FOXP1: variants seen among roughly 807,000 people sequenced by gnomAD.
FOXP1 encodes forkhead box protein P1.
In FOXP1, 15 loss-of-function variants were observed where a neutral mutation model predicts 98.2. That is an observed-to-expected ratio of 0.15 (90% CI 0.10 to 0.24). FOXP1 has a LOEUF of 0.24. Ranked by LOEUF, FOXP1 falls within the 10% of genes least tolerant of loss-of-function variation. FOXP1 has a pLI of 1.00. For missense variants in FOXP1, 633 were observed against 848.5 expected, an observed-to-expected ratio of 0.75 and a Z score of 3.15; for synonymous variants, 371 against 314.5, an observed-to-expected ratio of 1.18 and a Z score of -1.90.
chr3:71,132,917 G>A (rs1003280702), intron 6 of FOXP1, among the ~76,000 whole-genome samples: 8 of 151,360 alleles, frequency 5.3e-5, no homozygotes, highest in Admixed American at 3.9e-4. Context: ...TGCTAAAGTC[G>A]ATGATTTTCC....
At chr3:71,533,007 A>G (rs1282424222) in intron 2 of FOXP1, among the ~76,000 whole-genome samples, 2 of 152,270 alleles carry the variant, frequency 1.3e-5, no homozygotes, top group Non-Finnish European at 2.9e-5. Flanking sequence ...TTGCTCCTGC[A>G]ATCAGAAAGA....
intron 2 of FOXP1, among the ~76,000 whole-genome samples, chr3:71,518,188 T>G (rs541144536): frequency 3.0e-4 from 45 of 152,272 alleles, no homozygotes; most frequent in East Asian, 1.7e-3. Flanking sequence ...CTCTAAGAAC[T>G]CTAAGAAACT....
chr3:71,057,435 G>T (rs1576482794), intron 7 of FOXP1, among the ~76,000 whole-genome samples: 1 of 126,274 alleles, frequency 7.9e-6, no homozygotes, highest in African/African-American at 3.0e-5. Context: ...GCTAATTCTT[G>T]ATTTCTTTCT....
intron 6 of FOXP1, among the ~76,000 whole-genome samples, chr3:71,176,783 C>T (rs1279829583): frequency 7.4e-6 from 1 of 135,598 alleles, no homozygotes; most frequent in Non-Finnish European, 1.5e-5. Context: ...AGCCGGGGGG[C>T]GGGTGCGGTG....
intron 10 of FOXP1, among the ~76,000 whole-genome samples, chr3:71,042,522 C>T (rs982056426): frequency 6.6e-6 from 1 of 152,110 alleles, no homozygotes; most frequent in African/African-American, 2.4e-5. Context: ...ACAACAACAA[C>T]GACAACAAGC....
chr3:71,091,756 C>T (rs1385704269), intron 7 of FOXP1, among the ~76,000 whole-genome samples: 1 of 152,058 alleles, frequency 6.6e-6, no homozygotes, highest in African/African-American at 2.4e-5. Context: ...ATATAATTCT[C>T]AATTATAGAA....
chr3:71,565,732 A>T lies in FOXP1; in HGVS notation c.-298+15817T>A, dbSNP rs560013718. 2.8e-4 allele frequency among the ~76,000 whole-genome samples: 42 copies of T among 152,330 alleles called. 1 individual carries two copies. Among genetic ancestry groups the T allele is most frequent in the African/African-American group, 1.0e-3 (42 of 41,576 alleles). On this transcript the variant is annotated intron_variant, in intron 2 of 20. Coordinates refer to ENST00000649528, the MANE Select transcript of FOXP1 (RefSeq NM_001349338.3). ...TTTAGTAAATAAAAGGTTGAAGCAG[A>T]TGAATCTCATAAGCTTGTTGACAAA...
chr3:71,569,710 T>C (rs1258402547), intron 2 of FOXP1, among the ~76,000 whole-genome samples: 2 of 152,020 alleles, frequency 1.3e-5, no homozygotes, highest in Non-Finnish European at 2.9e-5. Flanking sequence ...CATTCACAAG[T>C]GTATGTAAAT....
chr3:71,229,003 T>A (rs1490223451), intron 5 of FOXP1, among the ~76,000 whole-genome samples: 1 of 151,710 alleles, frequency 6.6e-6, no homozygotes, highest in Non-Finnish European at 1.5e-5. Flanking sequence ...TTTTAAAGGT[T>A]ATTGGTTTAA....
chr3:71,382,161 G>C (rs892177421), intron 3 of FOXP1, among the ~76,000 whole-genome samples: 1 of 152,210 alleles, frequency 6.6e-6, no homozygotes, highest in South Asian at 2.1e-4. Flanking sequence ...TATAGTCCCA[G>C]CTACTTGGGA....
intron 7 of FOXP1, among the ~76,000 whole-genome samples, chr3:71,108,719 C>T (rs529141025): frequency 1.4e-4 from 21 of 152,076 alleles, no homozygotes; most frequent in Non-Finnish European, 2.5e-4. Context: ...GAGCCGAGAT[C>T]GCTCCACTGC....
chr3:71,467,720 G>C (rs1175409085), intron 3 of FOXP1, among the ~76,000 whole-genome samples: 1 of 152,190 alleles, frequency 6.6e-6, no homozygotes, highest in Non-Finnish European at 1.5e-5. Context: ...AATCTTCTAA[G>C]TAAATGAGGG....
At chr3:71,348,526 T>C (rs1392779720) in intron 4 of FOXP1, among the ~76,000 whole-genome samples, 2 of 125,922 alleles carry the variant, frequency 1.6e-5, no homozygotes, top group African/African-American at 6.2e-5. Context: ...TGTGTGCGTG[T>C]GTGTGTGTGT....
chr3:71,529,944 A>G (rs931487103), intron 2 of FOXP1, among the ~76,000 whole-genome samples: 16 of 152,154 alleles, frequency 1.1e-4, no homozygotes, highest in Non-Finnish European at 2.1e-4. Flanking sequence ...GGAAACTTCT[A>G]ATTTCTAGCC....
At chr3:71,197,748 A>G in intron 6 of FOXP1, 1 of 847,086 alleles carries the variant, frequency 1.2e-6, no homozygotes, top group South Asian at 1.8e-5. Flanking sequence ...CTGTCTTTCT[A>G]TGTATTTATT....
chr3:71,032,593 G>A (rs548291742), intron 11 of FOXP1, among the ~76,000 whole-genome samples: 12 of 152,262 alleles, frequency 7.9e-5, no homozygotes, highest in Admixed American at 2.6e-4. Flanking sequence ...CATATCTAAC[G>A]CACTCATTTG....
At chr3:71,328,108 G>A (rs561195748) in intron 4 of FOXP1, among the ~76,000 whole-genome samples, 2 of 152,194 alleles carry the variant, frequency 1.3e-5, no homozygotes, top group African/African-American at 4.8e-5. Context: ...AAAAGACTGG[G>A]TGTAAACATG....
At chr3:71,454,372 G>A (rs1051731839) in intron 3 of FOXP1, among the ~76,000 whole-genome samples, 1 of 152,094 alleles carries the variant, frequency 6.6e-6, no homozygotes, top group Non-Finnish European at 1.5e-5. Context: ...GTTCACAGAC[G>A]TGGTTACCCA....
At chr3:71,009,654 T>A (rs796900822) in intron 12 of FOXP1, among the ~76,000 whole-genome samples, 5 of 152,250 alleles carry the variant, frequency 3.3e-5, no homozygotes, top group African/African-American at 1.2e-4. Context: ...CCTTGAAAAA[T>A]AAATATATCT....
Sources: gnomAD v4.1 joint callset for allele counts (sites outside exome capture counted in the v4.1 genomes callset) on GRCh38, gnomAD v4.1.1 for gene constraint, MANE v1.5 for transcripts, NCBI Gene and HGNC (gene_info 2026-07-23, HGNC 2026-07-21) for gene names.